BANK1: variants seen among roughly 807,000 people sequenced by gnomAD.
BANK1 encodes B cell scaffold protein with ankyrin repeats 1, also known as B-cell scaffold protein with ankyrin repeats.
Under a neutral mutation model 94.5 loss-of-function variants are expected in BANK1, and 95 were observed. The observed-to-expected ratio is 1.00, with a 90% CI of 0.85 to 1.19. BANK1 has a LOEUF of 1.19. Among genes scored for constraint, BANK1 ranks in the 50% most tolerant of loss-of-function variants. BANK1 has a pLI of 0.00. For missense variants in BANK1, 987 were observed against 932.2 expected, an observed-to-expected ratio of 1.06 and a Z score of -0.77; for synonymous variants, 334 against 308.4, an observed-to-expected ratio of 1.08 and a Z score of -0.87.
intron 1 of BANK1, among the ~76,000 whole-genome samples, chr4:101,813,623 T>C (rs532576835): frequency 6.6e-6 from 1 of 152,326 alleles, no homozygotes; most frequent in African/African-American, 2.4e-5. Flanking sequence ...GTAAAGACAA[T>C]GTCACTCTAG....
intron 7 of BANK1, among the ~76,000 whole-genome samples, chr4:102,007,088 A>ATTT (rs1416173798): frequency 9.9e-6 from 1 of 100,680 alleles, no homozygotes; most frequent in Non-Finnish European, 1.9e-5. Flanking sequence ...ATAAATATAT[A>ATTT]TATAATATAT....
At chr4:101,901,756 T>TTG (rs1722292771) in intron 6 of BANK1, among the ~76,000 whole-genome samples, 2 of 42,156 alleles carry the variant, frequency 4.7e-5, no homozygotes, top group East Asian at 3.6e-4. Context: ...ACGCTTTTTG[T>TTG]TTTTTTGTTT....
intron 6 of BANK1, among the ~76,000 whole-genome samples, chr4:101,914,881 C>T (rs1344388515): frequency 6.6e-6 from 1 of 152,100 alleles, no homozygotes; most frequent in Non-Finnish European, 1.5e-5. Context: ...AAATAAACCA[C>T]AAAAACTGTG....
chr4:101,850,356 CTGCT>C (rs1727427457), intron 2 of BANK1, among the ~76,000 whole-genome samples: 1 of 152,028 alleles, frequency 6.6e-6, no homozygotes. Context: ...ACTGCAACCT[CTGCT>C]TCCTGGGCCC....
intron 2 of BANK1, among the ~76,000 whole-genome samples, chr4:101,839,258 T>A (rs997059167): frequency 6.6e-6 from 1 of 152,146 alleles, no homozygotes; most frequent in African/African-American, 2.4e-5. Flanking sequence ...ATAAGTTGCA[T>A]AATAGAAGGG....
Position 101,964,973 on chromosome 4 carries a change from T to A in BANK1, c.1206+46784T>A, listed in dbSNP as rs77577089. 5.5e-3 allele frequency among the ~76,000 whole-genome samples: 767 copies of A among 138,976 alleles called. 12 individuals are homozygous for A. The East Asian group carries it at 0.056, about 10-fold the overall frequency. 91.2% of individuals were successfully genotyped at this position (138,976 alleles called of 152,430 possible). On this transcript the variant is annotated intron_variant, in intron 7 of 16. Coordinates refer to ENST00000322953, the MANE Select transcript of BANK1 (RefSeq NM_017935.5). Reference sequence around the variant, plus strand: ...ATGTTCCCCTTCCTGTGTCCATGTGTTCTCATTGTTCAATTCCCACCTATG... The same window carrying A: ...ATGTTCCCCTTCCTGTGTCCATGTGATCTCATTGTTCAATTCCCACCTATG...
At chr4:101,851,974 C>T (rs969697507) in intron 2 of BANK1, among the ~76,000 whole-genome samples, 3 of 152,142 alleles carry the variant, frequency 2.0e-5, no homozygotes, top group Middle Eastern at 3.4e-3. Flanking sequence ...ATTTTGAGTT[C>T]GTGGTTTCTT....
intron 7 of BANK1, among the ~76,000 whole-genome samples, chr4:101,951,765 G>A (rs1231227156): frequency 1.3e-5 from 2 of 151,882 alleles, no homozygotes; most frequent in Admixed American, 1.3e-4. Flanking sequence ...TATTTTGGGG[G>A]AGTTTCCTTC....
chr4:101,917,257 T>G (rs1722857277), intron 6 of BANK1, among the ~76,000 whole-genome samples: 1 of 152,034 alleles, frequency 6.6e-6, no homozygotes, highest in Admixed American at 6.6e-5. Context: ...TTTTCTCAGC[T>G]AAGTGCAAAA....
At chr4:101,898,164 A>G (rs1318808125) in intron 6 of BANK1, among the ~76,000 whole-genome samples, 1 of 151,882 alleles carries the variant, frequency 6.6e-6, no homozygotes, top group Non-Finnish European at 1.5e-5. Context: ...TAATATATAT[A>G]ATAAGAATAT....
intron 7 of BANK1, among the ~76,000 whole-genome samples, chr4:101,959,297 G>A (rs1258377177): frequency 2.6e-5 from 4 of 151,918 alleles, no homozygotes; most frequent in African/African-American, 7.3e-5. Flanking sequence ...CTGCCACCAC[G>A]CCCGGCTAAT....
At chr4:101,898,983 A>G (rs1462193822) in intron 6 of BANK1, among the ~76,000 whole-genome samples, 2 of 152,108 alleles carry the variant, frequency 1.3e-5, no homozygotes. Context: ...TACTCTCTGA[A>G]AAGAAAATTA....
chr4:101,854,788 A>C (rs935880745), intron 2 of BANK1, among the ~76,000 whole-genome samples: 11 of 152,152 alleles, frequency 7.2e-5, no homozygotes, highest in African/African-American at 2.7e-4. Flanking sequence ...TTTTTGGAAA[A>C]CACTTAACTA....
chr4:101,875,230 G>C (rs911610733), intron 5 of BANK1, among the ~76,000 whole-genome samples: 6 of 152,044 alleles, frequency 3.9e-5, no homozygotes, highest in Non-Finnish European at 8.8e-5. Flanking sequence ...TGTGTGTTGG[G>C]GAGAGGGAGA....
At chr4:101,842,326 C>T (rs1174398875) in intron 2 of BANK1, among the ~76,000 whole-genome samples, 2 of 152,142 alleles carry the variant, frequency 1.3e-5, no homozygotes, top group Non-Finnish European at 2.9e-5. Context: ...TGATCAATTC[C>T]TTTATTCCTT....
At chr4:101,891,362 T>G (rs946688957) in intron 5 of BANK1, among the ~76,000 whole-genome samples, 1 of 152,100 alleles carries the variant, frequency 6.6e-6, no homozygotes, top group African/African-American at 2.4e-5. Context: ...GCAATCTAAT[T>G]GTTTTTACCA....
intron 6 of BANK1, among the ~76,000 whole-genome samples, chr4:101,903,435 A>T (rs949833293): frequency 1.3e-5 from 2 of 152,226 alleles, no homozygotes; most frequent in African/African-American, 4.8e-5. Context: ...TGATGTAAAT[A>T]AGGAGTTAGA....
At chr4:102,052,954 G>C (rs1055109101) in intron 11 of BANK1, among the ~76,000 whole-genome samples, 1 of 152,158 alleles carries the variant, frequency 6.6e-6, no homozygotes, top group Non-Finnish European at 1.5e-5. Context: ...TGAAGAAAAG[G>C]TATTGACAAG....
At chr4:101,830,244 GTTTT>G (rs58497383) in intron 2 of BANK1, 38 bp downstream of exon 2, 434 of 1,285,092 alleles carry the variant, frequency 3.4e-4, no homozygotes, top group East Asian at 4.9e-4. Flanking sequence ...ATTTTTATTT[GTTTT>G]TTTTTTTTTG....
Sources: gnomAD v4.1 joint callset for allele counts (sites outside exome capture counted in the v4.1 genomes callset) on GRCh38, gnomAD v4.1.1 for gene constraint, MANE v1.5 for transcripts, NCBI Gene and HGNC (gene_info 2026-07-23, HGNC 2026-07-21) for gene names.